The following BIVM variants were observed in gnomAD, a reference collection of about 807,000 sequenced individuals.
BIVM encodes basic immunoglobulin-like variable motif-containing protein.
Under a neutral mutation model 61.4 loss-of-function variants are expected in BIVM, and 31 were observed. The observed-to-expected ratio is 0.51, with a 90% CI of 0.38 to 0.68. BIVM has a LOEUF of 0.68. Among genes scored for constraint, BIVM ranks in the 30% least tolerant of loss-of-function variants. The probability of loss-of-function intolerance (pLI) is 0.00; values close to 1 mark genes in which losing one functional copy is unlikely to be tolerated. For missense variants in BIVM, 526 were observed against 596.0 expected, an observed-to-expected ratio of 0.88 and a Z score of 1.22; for synonymous variants, 189 against 210.7, an observed-to-expected ratio of 0.90 and a Z score of 0.89.
At chr13:102,832,511 A>T (rs1284598385) in intron 8 of BIVM, among the ~76,000 whole-genome samples, 1 of 152,170 alleles carries the variant, frequency 6.6e-6, no homozygotes, top group African/African-American at 2.4e-5. Context: ...CTGAAAAGTA[A>T]TTTTTACATT....
intron 4 of BIVM, chr13:102,820,791 A>G (rs972564554): frequency 2.0e-5 from 8 of 409,906 alleles, no homozygotes; most frequent in Admixed American, 1.8e-4. Context: ...TTTTTTTCCC[A>G]TTGGTTTGGA....
At chr13:102,801,619 GC>G (rs1164762410) in intron 1 of BIVM, 1 of 152,074 alleles carries the variant, frequency 6.6e-6, no homozygotes, top group Non-Finnish European at 1.5e-5. Flanking sequence ...CAAAATGAGG[GC>G]CTACAGTAAT....
At chr13:102,832,395 T>A (rs1307923039) in intron 8 of BIVM, among the ~76,000 whole-genome samples, 2 of 151,934 alleles carry the variant, frequency 1.3e-5, no homozygotes, top group Admixed American at 6.6e-5. Flanking sequence ...AGAGACGGGG[T>A]CTTGCTATGT....
intron 3 of BIVM, among the ~76,000 whole-genome samples, chr13:102,810,344 G>A (rs762447250): frequency 5.3e-5 from 8 of 152,218 alleles, no homozygotes; most frequent in Non-Finnish European, 1.0e-4. Context: ...GATCTAAAGT[G>A]AGTGTTTCAG....
intron 7 of BIVM, among the ~76,000 whole-genome samples, chr13:102,822,471 C>T (rs550238262): frequency 2.0e-5 from 3 of 152,212 alleles, no homozygotes; most frequent in East Asian, 1.9e-4. Context: ...TATGTATGTG[C>T]GTGTGTACGC....
intron 9 of BIVM, among the ~76,000 whole-genome samples, 153 bp from the exon 10 acceptor site, chr13:102,838,490 T>C (rs1444849092): frequency 6.6e-6 from 1 of 152,240 alleles, no homozygotes; most frequent in Non-Finnish European, 1.5e-5. Flanking sequence ...TAGAAGTTAT[T>C]ACAGTTTAGT....
Position 102,831,750 on chromosome 13 carries a change from A to G in BIVM, c.1034+53A>G, listed in dbSNP as rs1424560933. The G allele has an allele frequency of 5.6e-6, 9 of 1,597,242 alleles. No individual in the cohort carries two copies. In the African/African-American group the frequency reaches 8.1e-5, roughly 14 times the overall value. ...CATTTTAAGAAATATTAAAAAATAG[A>G]TGGGTGCGGTAGCTCACGCCTGTAA... On this transcript the variant is annotated intron_variant, in intron 8 of 10. Transcript: ENST00000257336.
chr13:102,815,797 A>G (rs1204292227), intron 3 of BIVM, among the ~76,000 whole-genome samples: 1 of 152,236 alleles, frequency 6.6e-6, no homozygotes, highest in East Asian at 1.9e-4. Context: ...ACATGCATAC[A>G]TAGATGCATA....
rs531828833 is a variant in BIVM, at chr13:102,807,755, G to T, written c.478+10G>T. 6.3e-7 allele frequency: 1 copy of T among 1,592,780 alleles called. No homozygotes were observed. The highest frequency in any genetic ancestry group is 1.3e-5 in the African/African-American group (1 of 74,138). ...TCGAAACACAAATCAGGTAAGGAGGGAGCCATGAAGTTCATATGTGAAAAT... is the reference window on the plus strand; with the variant it reads ...TCGAAACACAAATCAGGTAAGGAGGTAGCCATGAAGTTCATATGTGAAAAT... On this transcript the variant is annotated intron_variant, in intron 3 of 10. Coordinates refer to ENST00000257336, the MANE Select transcript of BIVM (RefSeq NM_017693.4). This position sits in a 1 kb window ranked among gnomAD's most constrained non-coding sequence, Gnocchi z 4.0.
chr13:102,801,016 A>C (rs977796905), intron 1 of BIVM, among the ~76,000 whole-genome samples: 1 of 152,252 alleles, frequency 6.6e-6, no homozygotes, highest in African/African-American at 2.4e-5. Context: ...TAACCTGAAA[A>C]GACTACAACC....
chr13:102,822,581 T>C (rs1400152158), intron 7 of BIVM, among the ~76,000 whole-genome samples: 1 of 152,194 alleles, frequency 6.6e-6, no homozygotes, highest in Admixed American at 6.5e-5. Context: ...TAGACCTGTG[T>C]GGTGACATAT....
At chr13:102,820,220 C>T (rs369551839) in intron 4 of BIVM, among the ~76,000 whole-genome samples, 26 of 152,012 alleles carry the variant, frequency 1.7e-4, no homozygotes, top group Admixed American at 9.8e-4. Context: ...GTTGTGGTGG[C>T]GCACGCCTGT....
Position 102,840,573 on chromosome 13 carries a change from A to G in BIVM, c.*708A>G, listed in dbSNP as rs1400582939. On this transcript the variant is annotated 3_prime_UTR_variant, in exon 11 of 11. Transcript: ENST00000257336. ...GTGGTGGGCACCTGTAGTCCTAGCT[A>G]CTCGAGAGGCTGAGGCAGGAGAATG... 6.6e-6 allele frequency: 1 copy of G among 151,160 alleles called. No individual in the cohort carries two copies. Among genetic ancestry groups the G allele is most frequent in the South Asian group, 2.1e-4 (1 of 4,760 alleles). The allele number at this position is 151,160 out of a possible 1,614,324, so 9.4% of individuals were successfully genotyped here. A position where few individuals can be genotyped will look rare whatever the true frequency, so the allele number is the denominator to read the frequency against.
rs1327819451 is a variant in BIVM at position 102,807,171 on chromosome 13, T to C, written c.-97T>C. 1 of 1,345,384 alleles carries C rather than the reference T, an allele frequency of 7.4e-7. No individual in the cohort carries two copies. The highest frequency in any genetic ancestry group is 1.0e-6 in the Non-Finnish European group (1 of 997,936). The allele number at this position is 1,345,384 out of a possible 1,614,324, so 83.3% of individuals were successfully genotyped here. On this transcript the variant is annotated 5_prime_UTR_variant, in exon 3 of 11. Transcript: ENST00000257336. This position sits in a 1 kb window ranked among gnomAD's most constrained non-coding sequence, Gnocchi z 4.0. ...GAGCTCATTTTGCAGCTCTCAAGCT[T>C]TTATAGCATGCTGTAAACAATTGTC...
chr13:102,807,389 C>T lies in BIVM; in HGVS notation c.122C>T (p.Ser41Leu). ...GTAAAATCTTTCTGCACAAGTGCCT[C>T]AGGAGCACCCTTGGGTCCCAAAGGA... Reference protein sequence around the residue: ...GAVKSFCTSASGAPLGPKGDG... With the variant: ...GAVKSFCTSALGAPLGPKGDG... Residue 41 changes from serine to leucine, a missense_variant, in exon 3 of 11, where the codon TCA becomes TTA. Ser to Leu is a moderately radical substitution (Grantham distance 145, BLOSUM62 -2). Coordinates refer to ENST00000257336, the MANE Select transcript of BIVM (RefSeq NM_017693.4). This position sits in a 1 kb window ranked among gnomAD's most constrained non-coding sequence, Gnocchi z 4.0. 6.2e-7 allele frequency: 1 copy of T among 1,614,188 alleles called. No homozygotes were observed. The highest frequency in any genetic ancestry group is 8.5e-7 in the Non-Finnish European group (1 of 1,180,032).
chr13:102,807,651 A>C lies in BIVM; in HGVS notation c.384A>C (p.Glu128Asp). Residue 128 changes from glutamate (E) to aspartate (D), a missense_variant, in exon 3 of 11, where the codon GAA becomes GAC. Physicochemically the swap from Glu to Asp is conservative, Grantham distance 45 (BLOSUM62 2). Coordinates refer to ENST00000257336, the MANE Select transcript of BIVM (RefSeq NM_017693.4). This position sits in a 1 kb window ranked among gnomAD's most constrained non-coding sequence, Gnocchi z 4.0. ...EIIYNEENSLENLSNSLGKLP... is the reference protein window; with the variant it reads ...EIIYNEENSLDNLSNSLGKLP... ...TCTACAATGAAGAAAATAGCTTGGA[A>C]AACTTATCCAACAGCCTGGGCAAGC... is the stretch of plus-strand genomic sequence containing the variant. 6.2e-7 allele frequency: 1 copy of C among 1,614,190 alleles called. No homozygotes were observed. Among genetic ancestry groups the C allele is most frequent in the Non-Finnish European group, 8.5e-7 (1 of 1,180,044 alleles).
chr13:102,800,954 A>G (rs1173187579), intron 1 of BIVM, among the ~76,000 whole-genome samples: 2 of 152,208 alleles, frequency 1.3e-5, no homozygotes, highest in Non-Finnish European at 2.9e-5. Context: ...AGAGGTTTTT[A>G]GAGATGTTTG....
At chr13:102,809,253 C>T (rs1879316900) in intron 3 of BIVM, among the ~76,000 whole-genome samples, 1 of 152,148 alleles carries the variant, frequency 6.6e-6, no homozygotes, top group Non-Finnish European at 1.5e-5. Context: ...ATTTCCTTTG[C>T]AATTTATTCT....
chr13:102,823,095 T>C (rs1328141451), intron 7 of BIVM, among the ~76,000 whole-genome samples: 1 of 152,136 alleles, frequency 6.6e-6, no homozygotes, highest in Non-Finnish European at 1.5e-5. Context: ...GATTAGATAT[T>C]AAGGGTTGTG....
Sources: gnomAD v4.1 joint callset for allele counts (sites outside exome capture counted in the v4.1 genomes callset) on GRCh38, gnomAD v4.1.1 for gene constraint, Gnocchi (gnomAD v3.1) non-coding constraint, MANE v1.5 for transcripts, NCBI Gene and HGNC (gene_info 2026-07-23, HGNC 2026-07-21) for gene names.